The following GALNTL6 variants were observed in gnomAD, a reference collection of about 807,000 sequenced individuals.
The protein encoded by GALNTL6 is polypeptide N-acetylgalactosaminyltransferase like 6.
In GALNTL6, 46 loss-of-function variants were observed where a neutral mutation model predicts 73.7. That is an observed-to-expected ratio of 0.62 (90% CI 0.49 to 0.80). The LOEUF is 0.80. Ranked by LOEUF, GALNTL6 falls within the 30% of genes least tolerant of loss-of-function variation. The pLI is 0.00. For missense variants in GALNTL6, 604 were observed against 755.0 expected (o/e 0.80, Z 2.34); for synonymous variants, 259 against 263.7 (o/e 0.98, Z 0.17).
intron 5 of GALNTL6, among the ~76,000 whole-genome samples, chr4:172,546,626 G>A (rs1289695283): frequency 6.0e-5 from 9 of 150,854 alleles, no homozygotes; most frequent in Admixed American, 4.0e-4. Context: ...GATGCCATCC[G>A]TATCTCTCTT....
rs1275174122 is a variant in GALNTL6, at chr4:172,129,084, C to T, written c.139-100572C>T. On this transcript the variant is annotated intron_variant, in intron 2 of 12. Transcript: ENST00000506823. ...CCAAAGGTGTCTAGATTGTTGGTTG[C>T]TAAGGAGCTGTTGTAATTTGTAAAG... 7.2e-5 allele frequency among the ~76,000 whole-genome samples: 11 copies of T among 152,246 alleles called. No homozygotes were observed. The East Asian group carries it at 2.1e-3, about 29-fold the overall frequency.
At chr4:172,568,484 C>T (rs990477164) in intron 5 of GALNTL6, among the ~76,000 whole-genome samples, 6 of 152,030 alleles carry the variant, frequency 3.9e-5, no homozygotes, top group Non-Finnish European at 8.8e-5. Context: ...GGGCCGGGCG[C>T]GGTGGCTCAC....
At chr4:172,780,406 C>T (rs558072561) in intron 5 of GALNTL6, among the ~76,000 whole-genome samples, 1 of 152,244 alleles carries the variant, frequency 6.6e-6, no homozygotes, top group African/African-American at 2.4e-5. Flanking sequence ...TTATGCTTTT[C>T]TCTCCCATGT....
chr4:171,954,699 T>C (rs1269448564), intron 2 of GALNTL6, among the ~76,000 whole-genome samples: 1 of 152,176 alleles, frequency 6.6e-6, no homozygotes, highest in African/African-American at 2.4e-5. Flanking sequence ...TTTGGGTCCC[T>C]GCCCAAATCT....
At chr4:172,468,342 A>G (rs1029435029) in intron 5 of GALNTL6, among the ~76,000 whole-genome samples, 1 of 152,216 alleles carries the variant, frequency 6.6e-6, no homozygotes, top group Non-Finnish European at 1.5e-5. Flanking sequence ...GTAATTTAAA[A>G]TGCAGAGACA....
At chr4:172,323,689 T>G (rs543398824) in intron 4 of GALNTL6, among the ~76,000 whole-genome samples, 2 of 152,266 alleles carry the variant, frequency 1.3e-5, no homozygotes, top group Non-Finnish European at 2.9e-5. Context: ...CTGATAATTA[T>G]TTTTAGGAGA....
At position 172,770,792 on chromosome 4, in the gene GALNTL6, A is replaced by G. The variant is rs1738720577; in HGVS notation, c.554-38569A>G. Among the ~76,000 whole-genome samples the G allele has an allele frequency of 2.0e-5, 3 of 152,200 alleles. No individual in the cohort carries two copies. The South Asian group carries it at 6.2e-4, about 31-fold the overall frequency. On this transcript the variant is annotated intron_variant, in intron 5 of 12. Transcript: ENST00000506823. ...TAAAGTAAGCTAAGTAAAACTATTG[A>G]TCTTGTTCTAATTACCAACACACAG... is the stretch of plus-strand genomic sequence containing the variant.
intron 2 of GALNTL6, among the ~76,000 whole-genome samples, chr4:172,039,691 G>A (rs536470486): frequency 2.2e-4 from 34 of 152,242 alleles, no homozygotes; most frequent in African/African-American, 7.9e-4. Flanking sequence ...AGAAGAAAAG[G>A]GGAGTGGGGA....
At chr4:173,027,020 C>T (rs916069283) in intron 12 of GALNTL6, among the ~76,000 whole-genome samples, 8 of 152,186 alleles carry the variant, frequency 5.3e-5, no homozygotes, top group African/African-American at 1.9e-4. Flanking sequence ...CGGACTTTCG[C>T]TCTGTCAGCC....
At chr4:173,025,216 G>T (rs1312038306) in intron 12 of GALNTL6, among the ~76,000 whole-genome samples, 1 of 152,164 alleles carries the variant, frequency 6.6e-6, no homozygotes, top group Non-Finnish European at 1.5e-5. Context: ...ACAATAACAG[G>T]CACCCAGGAA....
intron 2 of GALNTL6, among the ~76,000 whole-genome samples, chr4:172,145,323 G>A (rs537601524): frequency 6.1e-4 from 93 of 152,152 alleles, no homozygotes; most frequent in Middle Eastern, 3.4e-3. Context: ...TGTATTTTTA[G>A]TAGAGATGTG....
At chr4:171,986,364 C>T (rs1254025625) in intron 2 of GALNTL6, among the ~76,000 whole-genome samples, 1 of 152,088 alleles carries the variant, frequency 6.6e-6, no homozygotes, top group African/African-American at 2.4e-5. Context: ...GAAGGAATCT[C>T]ACAAGACAAT....
At chr4:172,100,462 C>T (rs1421975053) in intron 2 of GALNTL6, among the ~76,000 whole-genome samples, 1 of 151,648 alleles carries the variant, frequency 6.6e-6, no homozygotes, top group Non-Finnish European at 1.5e-5. Flanking sequence ...ATAAAACATA[C>T]AAATATAGAA....
chr4:172,292,872 G>A (rs17058244), intron 3 of GALNTL6, among the ~76,000 whole-genome samples: 23,787 of 151,970 alleles, frequency 0.16, 2,003 homozygotes, highest in East Asian at 0.2. Context: ...GCATATTTCA[G>A]TTGTCTGTAC....
At chr4:172,883,008 A>T (rs1412470744) in intron 8 of GALNTL6, 101 bp downstream of exon 8, 4 of 651,822 alleles carry the variant, frequency 6.1e-6, no homozygotes, top group Non-Finnish European at 1.1e-5. Context: ...GGATGACTTA[A>T]TGGTAATAGA....
At chr4:171,879,693 T>C (rs1736383885) in intron 2 of GALNTL6, among the ~76,000 whole-genome samples, 1 of 152,190 alleles carries the variant, frequency 6.6e-6, no homozygotes, top group Non-Finnish European at 1.5e-5. Flanking sequence ...GTTGAGGTAA[T>C]AGGGAAAAGT....
At chr4:171,998,485 A>G (rs1007572616) in intron 2 of GALNTL6, among the ~76,000 whole-genome samples, 1 of 152,096 alleles carries the variant, frequency 6.6e-6, no homozygotes, top group Admixed American at 6.6e-5. Context: ...TAAAAGTCTC[A>G]TTTTAACTTA....
intron 2 of GALNTL6, among the ~76,000 whole-genome samples, chr4:172,122,990 T>C (rs1318253423): frequency 6.6e-6 from 1 of 152,226 alleles, no homozygotes; most frequent in African/African-American, 2.4e-5. Flanking sequence ...AGCTTTTCTT[T>C]AGAAACAAAA....
chr4:172,188,870 C>T (rs1351724172), intron 2 of GALNTL6, among the ~76,000 whole-genome samples: 2 of 152,146 alleles, frequency 1.3e-5, no homozygotes, highest in Non-Finnish European at 2.9e-5. Context: ...GTGTAGTGAG[C>T]AACACAGGAC....
Sources: gnomAD v4.1 joint callset for allele counts (sites outside exome capture counted in the v4.1 genomes callset) on GRCh38, gnomAD v4.1.1 for gene constraint, MANE v1.5 for transcripts, NCBI Gene and HGNC (gene_info 2026-07-23, HGNC 2026-07-21) for gene names.